Variants in OPA3 observed in about 807,000 individuals in gnomAD.
The protein encoded by OPA3 is outer mitochondrial membrane lipid metabolism regulator OPA3.
OPA3 carries 6 observed loss-of-function variants against 4.0 expected under a neutral mutation model. That is an observed-to-expected ratio of 1.51 (90% CI 0.83 to 2.99). OPA3 has a LOEUF of 2.99. OPA3 is among the 30% of genes most tolerant of loss of function. OPA3 has a pLI of 0.00. For synonymous variants in OPA3, 105 were observed against 117.1 expected (o/e 0.90, Z 0.67); for missense variants, 235 against 256.2 (o/e 0.92, Z 0.56).
Position 45,584,755 on chromosome 19 carries a change from CCACCACCATCTTGGCGGTCT to C in OPA3, c.-11_9del. ...AGCAGCTTCGCCATAGGGAACGCGC[CCACCACCATCTTGGCGGTCT>C]CACAGGGCACGCGCAACCTTGCTGA... On this transcript the variant is annotated start_lost and 5_prime_UTR_variant, in exon 1 of 2. Coordinates refer to ENST00000263275, the MANE Select transcript of OPA3 (RefSeq NM_025136.4). 1 of 1,613,960 alleles carries C rather than the reference CCACCACCATCTTGGCGGTCT, an allele frequency of 6.2e-7. No individual in the cohort carries two copies. The highest frequency in any genetic ancestry group is 8.5e-7 in the Non-Finnish European group (1 of 1,180,036).
chr19:45,557,207 A>C (rs1003750865), intron 1 of OPA3, among the ~76,000 whole-genome samples: 1 of 152,134 alleles, frequency 6.6e-6, no homozygotes, highest in Non-Finnish European at 1.5e-5. Context: ...TAGGTGTGCC[A>C]ATGGGAGTGG....
chr19:45,528,804 G>GGGGT, exon 2 of OPA3: 1 of 465,790 alleles, frequency 2.1e-6, no homozygotes, highest in Non-Finnish European at 3.8e-6. Flanking sequence ...TGGCAGGGGC[G>GGGGT]GGGTGGGATA....
In OPA3 at chr19:45,553,912, C is replaced by G. The variant is rs80356523; in HGVS notation, c.143-1G>C. On this transcript the variant is annotated splice_acceptor_variant, in intron 1 of 1. Transcript: ENST00000263275. LOFTEE classifies it high-confidence loss of function. ...GTCCGCATCTCCACCCAGTGATACA[C>G]TGCGGGGGAAGAGAGGGGTCAGGCT... The G allele has an allele frequency of 1.9e-6, 3 of 1,602,798 alleles. No homozygotes were observed. Among genetic ancestry groups the G allele is most frequent in the Middle Eastern group, 3.3e-4 (2 of 6,028 alleles).
chr19:45,561,515 C>T (rs944138750), intron 1 of OPA3, among the ~76,000 whole-genome samples: 9 of 152,106 alleles, frequency 5.9e-5, no homozygotes, highest in Non-Finnish European at 1.0e-4. Context: ...GATGGCAAGA[C>T]GGCCATGACG....
chr19:45,543,465 C>T (rs1354457208), downstream of OPA3, among the ~76,000 whole-genome samples: 3 of 151,818 alleles, frequency 2.0e-5, no homozygotes, highest in African/African-American at 7.3e-5. Context: ...AGATTACAGG[C>T]ACACGCCACC....
At chr19:45,578,255 G>A (rs904911440) in intron 1 of OPA3, among the ~76,000 whole-genome samples, 18 of 152,132 alleles carry the variant, frequency 1.2e-4, no homozygotes, top group African/African-American at 4.3e-4. Flanking sequence ...TATGGTTTAG[G>A]AGTCATGCAG....
intron 1 of OPA3, among the ~76,000 whole-genome samples, chr19:45,559,256 C>G (rs1299401424): frequency 6.6e-6 from 1 of 152,012 alleles, no homozygotes; most frequent in African/African-American, 2.4e-5. Flanking sequence ...GCTTTGATAT[C>G]AGTATTCTAT....
At chr19:45,539,705 C>G (rs1969161200) in intron 1 of OPA3, among the ~76,000 whole-genome samples, 1 of 150,350 alleles carries the variant, frequency 6.7e-6, no homozygotes, top group South Asian at 2.1e-4. Context: ...AGTGAGCAGA[C>G]AGCGCGTCAC....
In OPA3 at chr19:45,553,671, T is replaced by A. The variant is rs1035038196; in HGVS notation, c.383A>T (p.His128Leu). The A allele has an allele frequency of 1.9e-6, 3 of 1,605,104 alleles. No individual in the cohort carries two copies. The African/African-American group carries it at 4.0e-5, about 21-fold the overall frequency. The change falls in exon 2 of 2, where the codon CAC becomes CTC. Residue 128 changes from histidine to leucine, a missense_variant. Coordinates refer to ENST00000263275, the MANE Select transcript of OPA3 (RefSeq NM_025136.4). Reference protein sequence around the residue: ...AWNALRDEVGHLALALEALQA... With the variant: ...AWNALRDEVGLLALALEALQA... ...CAGCGCTTCCAGCGCCAGCGCCAGGTGGCCCACCTCGTCCCGCAGCGCGTT... is the reference window on the plus strand; with the variant it reads ...CAGCGCTTCCAGCGCCAGCGCCAGGAGGCCCACCTCGTCCCGCAGCGCGTT...
At position 45,529,208 on chromosome 19, in the gene OPA3, G is replaced by GC; in HGVS notation, c.390dup (p.Leu131AlafsTer102). On this transcript the variant is annotated frameshift_variant, in exon 2 of 2. Transcript: ENST00000323060. LOFTEE classifies it low-confidence loss of function (END_TRUNC). ...TGCGCCTGCAACTCCTCGAGCGCCAGCCCCAAGTGGCCCACCTCGCCCCGC... is the reference window on the plus strand; with the variant it reads ...TGCGCCTGCAACTCCTCGAGCGCCAGCCCCCAAGTGGCCCACCTCGCCCCGC... 1 of 1,612,048 alleles carries GC rather than the reference G, an allele frequency of 6.2e-7. No homozygotes were observed. The highest frequency in any genetic ancestry group is 8.5e-7 in the Non-Finnish European group (1 of 1,179,754).
intron 1 of OPA3, chr19:45,529,497 G>A (rs754645741): frequency 1.2e-6 from 2 of 1,612,426 alleles, no homozygotes; most frequent in Admixed American, 3.3e-5. Flanking sequence ...TTGCAGGGCA[G>A]CCTCCTATAA....
chr19:45,563,869 A>T (rs1449898570), intron 1 of OPA3, among the ~76,000 whole-genome samples: 12 of 146,276 alleles, frequency 8.2e-5, no homozygotes, highest in East Asian at 4.1e-4. Flanking sequence ...TTTTTTTTTT[A>T]AATACAGATG....
chr19:45,555,771 G>A (rs1399171768), intron 1 of OPA3, among the ~76,000 whole-genome samples: 2 of 152,168 alleles, frequency 1.3e-5, no homozygotes, highest in Non-Finnish European at 2.9e-5. Context: ...GATTACAGGC[G>A]TGAGCCACCG....
At chr19:45,570,945 T>C (rs148164493) in intron 1 of OPA3, among the ~76,000 whole-genome samples, 3 of 117,418 alleles carry the variant, frequency 2.6e-5, no homozygotes, top group South Asian at 3.1e-4. Flanking sequence ...AATGTCTGCA[T>C]AGGAAAATGT....
At chr19:45,566,343 C>T (rs75302851) in intron 1 of OPA3, among the ~76,000 whole-genome samples, 2 of 152,008 alleles carry the variant, frequency 1.3e-5, no homozygotes, top group African/African-American at 4.8e-5. Context: ...AGAGTTAGGG[C>T]TCTGCCATGT....
In OPA3 at chr19:45,584,771, G is replaced by T. The variant is rs199590627; in HGVS notation, c.-7C>A. The T allele has an allele frequency of 6.2e-7, 1 of 1,613,316 alleles. No individual in the cohort carries two copies. Among genetic ancestry groups the T allele is most frequent in the Non-Finnish European group, 8.5e-7 (1 of 1,180,012 alleles). The stretch of plus-strand genomic sequence containing the variant: ...GGAACGCGCCCACCACCATCTTGGC[G>T]GTCTCACAGGGCACGCGCAACCTTG... On this transcript the variant is annotated 5_prime_UTR_variant, in exon 1 of 2. Coordinates refer to ENST00000263275, the MANE Select transcript of OPA3 (RefSeq NM_025136.4).
chr19:45,557,114 C>A (rs1369181105), intron 1 of OPA3, among the ~76,000 whole-genome samples: 1 of 152,182 alleles, frequency 6.6e-6, no homozygotes, highest in Non-Finnish European at 1.5e-5. Context: ...GATCCTCTAG[C>A]CTTCCTGGGT....
intron 1 of OPA3, among the ~76,000 whole-genome samples, chr19:45,569,568 G>A (rs1421326763): frequency 6.6e-6 from 1 of 152,048 alleles, no homozygotes; most frequent in East Asian, 1.9e-4. Flanking sequence ...CTCCATTAGA[G>A]TTTAGAAGCC....
rs566396007 is a variant in OPA3, at chr19:45,540,759, C to T, written c.143-11303G>A. Among the ~76,000 whole-genome samples, 9 of 151,472 alleles carry T rather than the reference C, an allele frequency of 5.9e-5. No individual in the cohort carries two copies. The Middle Eastern group carries it at 0.017, about 286-fold the overall frequency. On this transcript the variant is annotated intron_variant, in intron 1 of 1. Transcript: ENST00000323060. ...CGGAGAATGCAGTGAGCCAAGATGG[C>T]ACCACTGCACTCCAGCCTGGGTGAG... is the stretch of plus-strand genomic sequence containing the variant.
Sources: gnomAD v4.1 joint callset for allele counts (sites outside exome capture counted in the v4.1 genomes callset) on GRCh38, gnomAD v4.1.1 for gene constraint, MANE v1.5 for transcripts, NCBI Gene and HGNC (gene_info 2026-07-23, HGNC 2026-07-21) for gene names.